The following DGKB variants were observed in gnomAD, a reference collection of about 807,000 sequenced individuals.
DGKB encodes the protein 90 kDa diacylglycerol kinase.
A neutral mutation model predicts 114.3 loss-of-function variants in DGKB; 67 were observed. The ratio of observed to expected loss-of-function variants is 0.59; its 90% CI spans 0.48 to 0.72. The LOEUF (loss-of-function observed/expected upper bound fraction) is 0.72. DGKB is among the 30% of genes least tolerant of loss of function. DGKB has a pLI of 0.00. For synonymous variants in DGKB, 398 were observed against 323.1 expected, an observed-to-expected ratio of 1.23 and a Z score of -2.49; for missense variants, 907 against 975.2, an observed-to-expected ratio of 0.93 and a Z score of 0.93.
chr7:14,396,980 T>C, intron 21 of DGKB, among the ~76,000 whole-genome samples: 1 of 152,248 alleles, frequency 6.6e-6, no homozygotes, highest in Admixed American at 6.5e-5. Context: ...ACAAAAATTA[T>C]GTTATATGGA....
At chr7:14,460,243 T>A (rs1449727850) in intron 21 of DGKB, among the ~76,000 whole-genome samples, 2 of 152,016 alleles carry the variant, frequency 1.3e-5, no homozygotes, top group Non-Finnish European at 2.9e-5. Context: ...AATTCACACA[T>A]AACAATATTA....
rs553577407 is a variant in DGKB, at chr7:14,956,238, A to G, written c.-188+18458T>C. 5.3e-5 allele frequency among the ~76,000 whole-genome samples: 8 copies of G among 152,076 alleles called. No individual in the cohort carries two copies. In the South Asian group the frequency reaches 1.7e-3, roughly 32 times the overall value. The stretch of plus-strand genomic sequence containing the variant: ...CATAAAGGAGATTTCACACATTTTG[A>G]TAATTTCAAATGCAGTGCATTTGAA... On this transcript the variant is annotated intron_variant, in intron 1 of 4. Transcript: ENST00000437998.
intron 21 of DGKB, among the ~76,000 whole-genome samples, chr7:14,415,014 A>C (rs181964534): frequency 7.7e-4 from 102 of 132,816 alleles, no homozygotes; most frequent in African/African-American, 2.6e-3. Flanking sequence ...ATAAAAAAAA[A>C]CCCTCCTATA....
intron 23 of DGKB, among the ~76,000 whole-genome samples, chr7:14,313,558 T>A (rs1451774400): frequency 2.0e-5 from 3 of 152,192 alleles, no homozygotes; most frequent in African/African-American, 7.2e-5. Context: ...CCCACCCGAA[T>A]ACTGCGCTTT....
In DGKB at chr7:14,804,684, T is replaced by C. The variant is rs1034404983; in HGVS notation, c.70+36510A>G. The stretch of plus-strand genomic sequence containing the variant: ...TTTTCAAACTATTGTTGGTATCTGT[T>C]AACTGTTCCTTTGTTACTTTAACTT... On this transcript the variant is annotated intron_variant, in intron 2 of 25. Coordinates refer to ENST00000402815, the MANE Select transcript of DGKB (RefSeq NM_001350709.2). 4.6e-5 allele frequency among the ~76,000 whole-genome samples: 7 copies of C among 152,214 alleles called. No homozygotes were observed. The East Asian group carries it at 1.2e-3, about 25-fold the overall frequency.
intron 17 of DGKB, among the ~76,000 whole-genome samples, chr7:14,605,788 C>T (rs1337968125): frequency 4.6e-5 from 7 of 152,038 alleles, no homozygotes; most frequent in Non-Finnish European, 4.4e-5. Context: ...ATTATTAATT[C>T]ATATTTGTAC....
chr7:14,760,441 C>T (rs1319594850), intron 2 of DGKB, among the ~76,000 whole-genome samples: 1 of 152,088 alleles, frequency 6.6e-6, no homozygotes, highest in Admixed American at 6.6e-5. Flanking sequence ...TAGACACTTA[C>T]ACTGCAGAGA....
chr7:14,326,235 C>T (rs1286378445), intron 23 of DGKB, among the ~76,000 whole-genome samples: 1 of 152,008 alleles, frequency 6.6e-6, no homozygotes, highest in East Asian at 1.9e-4. Context: ...AGGAAAGCAG[C>T]CTGGGTAAGT....
intron 17 of DGKB, among the ~76,000 whole-genome samples, chr7:14,605,534 A>G (rs1295977211): frequency 1.3e-5 from 2 of 151,580 alleles, no homozygotes; most frequent in African/African-American, 4.8e-5. Flanking sequence ...GGACCTTTAA[A>G]TTTTTTTCTA....
At chr7:14,665,213 C>T (rs1000004682) in intron 13 of DGKB, among the ~76,000 whole-genome samples, 3 of 151,820 alleles carry the variant, frequency 2.0e-5, no homozygotes, top group Non-Finnish European at 2.9e-5. Flanking sequence ...TCTTCAAGAT[C>T]GATCGTGTTC....
intron 1 of DGKB, among the ~76,000 whole-genome samples, chr7:14,953,687 T>C (rs924739734): frequency 3.9e-5 from 6 of 152,114 alleles, no homozygotes; most frequent in Non-Finnish European, 7.4e-5. Context: ...GCAAATCTGC[T>C]CTTAGGTGTA....
At chr7:14,644,098 T>C (rs1387089909) in intron 13 of DGKB, among the ~76,000 whole-genome samples, 10 of 148,306 alleles carry the variant, frequency 6.7e-5, no homozygotes, top group Middle Eastern at 3.5e-3. Context: ...TCACATATGC[T>C]ACTGATTTGA....
Position 14,258,293 on chromosome 7 carries a change from A to T in DGKB, c.2123-80142T>A, listed in dbSNP as rs575486876. ...AGACTGTGTGTTAAGAATAGAGGTA[A>T]TCATGCTTGGAGAAGGTATTTTGGA... On this transcript the variant is annotated intron_variant, in intron 23 of 25. Coordinates refer to ENST00000402815, the MANE Select transcript of DGKB (RefSeq NM_001350709.2). Among the ~76,000 whole-genome samples, 8 of 152,332 alleles carry T rather than the reference A, an allele frequency of 5.3e-5. 1 individual carries two copies. The South Asian group carries it at 1.0e-3, about 20-fold the overall frequency.
chr7:14,246,213 T>C (rs1000399192), intron 23 of DGKB, among the ~76,000 whole-genome samples: 1 of 152,186 alleles, frequency 6.6e-6, no homozygotes, highest in Non-Finnish European at 1.5e-5. Context: ...AAATAAAATC[T>C]ACATATATTG....
chr7:14,780,011 T>G (rs181369232), intron 2 of DGKB, among the ~76,000 whole-genome samples: 1 of 152,308 alleles, frequency 6.6e-6, no homozygotes, highest in Admixed American at 6.5e-5. Flanking sequence ...ATATTTAATT[T>G]TGTTGCTGGG....
chr7:14,640,874 A>T (rs1811644275), intron 13 of DGKB, among the ~76,000 whole-genome samples: 1 of 152,166 alleles, frequency 6.6e-6, no homozygotes, highest in Admixed American at 6.5e-5. Context: ...TTATCCCTTA[A>T]TGTCTAGTGG....
At chr7:14,190,994 C>A in intron 23 of DGKB, 1 of 154,448 alleles carries the variant, frequency 6.5e-6, no homozygotes, top group South Asian at 1.8e-4. Context: ...AACTGAAAGC[C>A]GAACCTGAAC....
At chr7:14,187,493 T>C (rs1430768152) in intron 23 of DGKB, among the ~76,000 whole-genome samples, 1 of 152,120 alleles carries the variant, frequency 6.6e-6, no homozygotes, top group Non-Finnish European at 1.5e-5. Context: ...CCTAGACAGA[T>C]TGCCACAGAG....
At chr7:14,378,262 T>C (rs116522889) in intron 21 of DGKB, among the ~76,000 whole-genome samples, 2 of 152,292 alleles carry the variant, frequency 1.3e-5, no homozygotes, top group African/African-American at 2.4e-5. Context: ...TGATTCTCTT[T>C]TGAGATCCAG....
Sources: gnomAD v4.1 joint callset for allele counts (sites outside exome capture counted in the v4.1 genomes callset) on GRCh38, gnomAD v4.1.1 for gene constraint, MANE v1.5 for transcripts, NCBI Gene and HGNC (gene_info 2026-07-23, HGNC 2026-07-21) for gene names.